MACROD2: variants seen among roughly 807,000 people sequenced by gnomAD.
MACROD2 encodes the protein ADP-ribose glycohydrolase MACROD2.
Under a neutral mutation model 70.4 loss-of-function variants are expected in MACROD2, and 36 were observed. The observed-to-expected ratio is 0.51, with a 90% CI of 0.39 to 0.68. MACROD2 has a LOEUF of 0.68. Among genes scored for constraint, MACROD2 ranks in the 30% least tolerant of loss-of-function variants. The pLI, the probability that MACROD2 is intolerant of heterozygous loss-of-function variation, is 0.00. For synonymous variants in MACROD2, 172 were observed against 178.8 expected (o/e 0.96, Z 0.30); for missense variants, 496 against 538.4 (o/e 0.92, Z 0.78).
intron 3 of MACROD2, among the ~76,000 whole-genome samples, chr20:14,243,938 A>G (rs895556190): frequency 2.6e-5 from 4 of 152,186 alleles, no homozygotes; most frequent in African/African-American, 9.7e-5. Flanking sequence ...GCCAGGGCAA[A>G]AACTACATCT....
intron 8 of MACROD2, among the ~76,000 whole-genome samples, chr20:15,629,980 AT>A (rs1361016055): frequency 6.6e-6 from 1 of 151,738 alleles, no homozygotes; most frequent in African/African-American, 2.4e-5. Context: ...CTGCCCTTTC[AT>A]TTTTTTTCCG....
chr20:14,302,016 G>A (rs932109256), intron 3 of MACROD2, among the ~76,000 whole-genome samples: 3 of 152,152 alleles, frequency 2.0e-5, no homozygotes, highest in African/African-American at 7.2e-5. Flanking sequence ...TGTACAGAAA[G>A]TACAGTATAT....
chr20:15,879,718 A>G lies in MACROD2; in HGVS notation c.728-6046A>G, dbSNP rs112040678. Among the ~76,000 whole-genome samples, 354 of 152,212 alleles carry G rather than the reference A, an allele frequency of 2.3e-3. 2 individuals are homozygous for G. The highest frequency in any genetic ancestry group is 8.0e-3 in the African/African-American group (334 of 41,564). ...AATGAACATATATTAAAATACATGGAAAGAGGTTTATCATAGCAAATGGCC... is the reference window on the plus strand; with the variant it reads ...AATGAACATATATTAAAATACATGGGAAGAGGTTTATCATAGCAAATGGCC... On this transcript the variant is annotated intron_variant, in intron 9 of 17. Transcript: ENST00000684519.
At chr20:15,265,210 G>T (rs1421419615) in intron 6 of MACROD2, among the ~76,000 whole-genome samples, 2 of 152,122 alleles carry the variant, frequency 1.3e-5, no homozygotes, top group Admixed American at 6.5e-5. Context: ...CTGTTCCCAG[G>T]TTTTCTCCTT....
intron 5 of MACROD2, among the ~76,000 whole-genome samples, chr20:15,199,765 T>A (rs1029716373): frequency 2.6e-5 from 4 of 152,234 alleles, no homozygotes; most frequent in African/African-American, 4.8e-5. Context: ...TACCTCTGTT[T>A]CTGTGTTTTG....
chr20:14,845,021 A>G (rs1381290907), intron 5 of MACROD2, among the ~76,000 whole-genome samples: 2 of 152,012 alleles, frequency 1.3e-5, no homozygotes, highest in Non-Finnish European at 2.9e-5. Flanking sequence ...AATCTCATCC[A>G]TCCTTGAATA....
chr20:15,850,131 A>G (rs1021622496), intron 8 of MACROD2, among the ~76,000 whole-genome samples: 3 of 152,182 alleles, frequency 2.0e-5, no homozygotes, highest in African/African-American at 7.2e-5. Context: ...AGCAGACCCT[A>G]AGACAAGAAT....
chr20:15,113,763 A>AGTGTGTGT (rs71340210), intron 5 of MACROD2, among the ~76,000 whole-genome samples: 2,256 of 144,206 alleles, frequency 0.016, 24 homozygotes, highest in Middle Eastern at 0.029. Flanking sequence ...GTAGTCTTGA[A>AGTGTGTGT]GTGTGTGTGT....
chr20:14,621,301 C>T (rs758535641), intron 4 of MACROD2, among the ~76,000 whole-genome samples: 4 of 152,026 alleles, frequency 2.6e-5, no homozygotes, highest in African/African-American at 4.8e-5. Context: ...TCAGCCTCCA[C>T]GTGGACTATG....
intron 7 of MACROD2, among the ~76,000 whole-genome samples, chr20:15,490,417 T>C (rs995148342): frequency 4.6e-5 from 7 of 151,900 alleles, no homozygotes; most frequent in African/African-American, 1.7e-4. Flanking sequence ...GGCATGTGCC[T>C]GGGTGATTTT....
chr20:15,165,259 C>G (rs986284154), intron 5 of MACROD2, among the ~76,000 whole-genome samples: 1 of 152,128 alleles, frequency 6.6e-6, no homozygotes, highest in Non-Finnish European at 1.5e-5. Context: ...AGTTCGAGAC[C>G]AGCCTGGCCA....
At chr20:15,276,024 G>A (rs1197868652) in intron 6 of MACROD2, among the ~76,000 whole-genome samples, 3 of 152,116 alleles carry the variant, frequency 2.0e-5, no homozygotes, top group Admixed American at 6.5e-5. Context: ...TAATCAATAC[G>A]GGATCAGAAA....
At chr20:14,538,873 A>T (rs1406790515) in intron 4 of MACROD2, among the ~76,000 whole-genome samples, 1 of 152,128 alleles carries the variant, frequency 6.6e-6, no homozygotes, top group Non-Finnish European at 1.5e-5. Flanking sequence ...TTTCGAGCCT[A>T]CATGTTTATT....
chr20:15,872,159 G>T (rs1345174662), intron 9 of MACROD2, among the ~76,000 whole-genome samples: 5 of 152,070 alleles, frequency 3.3e-5, no homozygotes, highest in Admixed American at 6.5e-5. Context: ...GCATTAGTAG[G>T]GCTAGAGCTC....
chr20:14,984,983 A>G (rs978501791), intron 5 of MACROD2, among the ~76,000 whole-genome samples: 1 of 152,206 alleles, frequency 6.6e-6, no homozygotes, highest in Non-Finnish European at 1.5e-5. Context: ...GGGAGTTAGC[A>G]AGTCACCTTT....
chr20:15,891,167 T>A (rs1379081751), intron 10 of MACROD2, among the ~76,000 whole-genome samples: 2 of 152,140 alleles, frequency 1.3e-5, no homozygotes, highest in East Asian at 1.9e-4. Context: ...GAATTTGATC[T>A]GAGATTCAAA....
chr20:15,478,503 A>G (rs1019025644), intron 7 of MACROD2, among the ~76,000 whole-genome samples: 2 of 152,078 alleles, frequency 1.3e-5, no homozygotes, highest in African/African-American at 4.8e-5. Flanking sequence ...ACCTGCCACC[A>G]TGTGTAAGTA....
intron 8 of MACROD2, among the ~76,000 whole-genome samples, chr20:15,551,414 T>C (rs1193881257): frequency 6.6e-6 from 1 of 152,084 alleles, no homozygotes; most frequent in Non-Finnish European, 1.5e-5. Context: ...TATTTATTTA[T>C]TTATCATATT....
At chr20:16,003,034 C>T (rs937577605) in intron 15 of MACROD2, among the ~76,000 whole-genome samples, 21 of 151,402 alleles carry the variant, frequency 1.4e-4, no homozygotes, top group Admixed American at 5.3e-4. Context: ...GCACTGGGCT[C>T]GGGGCTGGGG....
Sources: gnomAD v4.1 joint callset for allele counts (sites outside exome capture counted in the v4.1 genomes callset) on GRCh38, gnomAD v4.1.1 for gene constraint, MANE v1.5 for transcripts, NCBI Gene and HGNC (gene_info 2026-07-23, HGNC 2026-07-21) for gene names.